Variants in TDRD3 observed in about 807,000 individuals in gnomAD.
The protein encoded by TDRD3 is tudor domain-containing protein 3.
Under a neutral mutation model 86.7 loss-of-function variants are expected in TDRD3, and 45 were observed. The observed-to-expected ratio is 0.52, with a 90% CI of 0.41 to 0.67. TDRD3 has a LOEUF of 0.67. Ranked by LOEUF, TDRD3 falls within the 30% of genes least tolerant of loss-of-function variation. The pLI is 0.00. For synonymous variants in TDRD3, 298 were observed against 301.7 expected (o/e 0.99, Z 0.13); for missense variants, 814 against 889.0 (o/e 0.92, Z 1.07).
chr13:60,409,966 C>T (rs1954319516), intron 1 of TDRD3, among the ~76,000 whole-genome samples: 1 of 151,994 alleles, frequency 6.6e-6, no homozygotes, highest in Non-Finnish European at 1.5e-5. Flanking sequence ...TGGGAGGGAC[C>T]CAGGGGGAGG....
At chr13:60,501,259 A>G (rs1160725085) in intron 8 of TDRD3, among the ~76,000 whole-genome samples, 5 of 152,146 alleles carry the variant, frequency 3.3e-5, no homozygotes, top group Non-Finnish European at 7.4e-5. Context: ...TTCCTGCTTA[A>G]GAGAGGCATT....
intron 4 of TDRD3, among the ~76,000 whole-genome samples, chr13:60,464,805 G>A (rs9538712): frequency 0.47 from 70,956 of 151,840 alleles, 16,950 homozygotes; most frequent in South Asian, 0.54. Flanking sequence ...TGGGGAGTGA[G>A]TGATAAGGAG....
chr13:60,498,673 C>A (rs946195967), intron 8 of TDRD3, among the ~76,000 whole-genome samples: 2 of 152,048 alleles, frequency 1.3e-5, no homozygotes, highest in Admixed American at 1.3e-4. Context: ...GAGGCTGGGT[C>A]CCCTTGAGGA....
intron 12 of TDRD3, among the ~76,000 whole-genome samples, chr13:60,563,935 C>T (rs749796265): frequency 2.0e-5 from 3 of 152,200 alleles, no homozygotes; most frequent in Admixed American, 1.3e-4. Context: ...ACTTGTCAAA[C>T]GCACATTATA....
At chr13:60,513,238 G>T (rs1407944347) in intron 10 of TDRD3, among the ~76,000 whole-genome samples, 1 of 152,166 alleles carries the variant, frequency 6.6e-6, no homozygotes, top group Non-Finnish European at 1.5e-5. Context: ...GGGATGCAGG[G>T]CACCAAGTCC....
rs140870765 is a variant in TDRD3 at position 60,567,535 on chromosome 13, G to A, written c.2129G>A (p.Gly710Asp). 1.2e-3 allele frequency: 1,883 copies of A among 1,614,070 alleles called. 3 individuals carry two copies. The highest frequency in any genetic ancestry group is 1.2e-3 in the Non-Finnish European group (1,408 of 1,180,016). Residue 710 changes from glycine to aspartate, a missense_variant, in exon 13 of 14, where the codon GGC (glycine) becomes GAC (aspartate). Coordinates refer to ENST00000377881, the MANE Select transcript of TDRD3 (RefSeq NM_001146070.2). ...ACTCTTTGCAAATAGGAGGAAGAAG[G>A]CACCTACGATCAAACTCTGGAGTTC... ...PIQTEAWEEE[G>D]TYDQTLEFRR...
chr13:60,496,502 C>G (rs751738006), intron 8 of TDRD3, among the ~76,000 whole-genome samples: 2 of 151,478 alleles, frequency 1.3e-5, no homozygotes, highest in Non-Finnish European at 2.9e-5. Context: ...GCTATGGACT[C>G]TACTTCTAAT....
chr13:60,488,238 G>A (rs905744180), intron 7 of TDRD3, among the ~76,000 whole-genome samples: 2 of 152,182 alleles, frequency 1.3e-5, no homozygotes, highest in Non-Finnish European at 2.9e-5. Context: ...CTAAGGAGGG[G>A]TAAGGAAGCA....
intron 10 of TDRD3, among the ~76,000 whole-genome samples, chr13:60,524,060 T>C (rs1957350712): frequency 6.6e-6 from 1 of 152,086 alleles, no homozygotes; most frequent in Non-Finnish European, 1.5e-5. Flanking sequence ...TTTATTAGAG[T>C]GATGGCAGAC....
intron 13 of TDRD3, 88 bp from the exon 14 acceptor site, chr13:60,573,528 T>A: frequency 1.3e-6 from 1 of 784,600 alleles, no homozygotes. Flanking sequence ...CATTTACAGA[T>A]AAGTTTCAGC....
chr13:60,540,752 T>C (rs1167259578), intron 12 of TDRD3, among the ~76,000 whole-genome samples: 1 of 152,172 alleles, frequency 6.6e-6, no homozygotes, highest in East Asian at 1.9e-4. Context: ...TAATAACATA[T>C]TATAATCTAT....
At chr13:60,473,857 C>T (rs1403665947) in intron 5 of TDRD3, among the ~76,000 whole-genome samples, 1 of 152,146 alleles carries the variant, frequency 6.6e-6, no homozygotes, top group Non-Finnish European at 1.5e-5. Context: ...CCTAGTGGAC[C>T]TTGGCCTAGC....
At chr13:60,438,536 A>G (rs973859495) in intron 1 of TDRD3, among the ~76,000 whole-genome samples, 1 of 152,096 alleles carries the variant, frequency 6.6e-6, no homozygotes, top group African/African-American at 2.4e-5. Context: ...TCTGACTTTT[A>G]TCGCCTTGGT....
chr13:60,510,634 A>T lies in TDRD3; in HGVS notation c.1020A>T (p.Arg340Ser). The T allele has an allele frequency of 6.3e-7, 1 of 1,596,704 alleles. No individual in the cohort carries two copies. Among genetic ancestry groups the T allele is most frequent in the Non-Finnish European group, 8.5e-7 (1 of 1,172,256 alleles). ...TTCTTGCTTTTGCATCTAAAGGTAG[A>T]GGAAAAGGCAGGGGGCGAATAAGAT... ...KPVMGPPLRG[R>S]GKGRGRIRSE... The change falls in exon 10 of 14, where the codon AGA (arginine) becomes AGT (serine). Residue 340 changes from arginine (R) to serine (S), a missense_variant. Physicochemically the swap from Arg to Ser is moderately radical, Grantham distance 110. Coordinates refer to ENST00000377881, the MANE Select transcript of TDRD3 (RefSeq NM_001146070.2).
chr13:60,467,424 T>C, intron 5 of TDRD3, 45 bp downstream of exon 5: 1 of 1,598,034 alleles, frequency 6.3e-7, no homozygotes, highest in Non-Finnish European at 8.5e-7. Context: ...TTACACTCTT[T>C]TTTATTGCAT....
intron 1 of TDRD3, among the ~76,000 whole-genome samples, chr13:60,418,332 G>T (rs1207024658): frequency 2.6e-5 from 4 of 152,002 alleles, no homozygotes; most frequent in African/African-American, 9.7e-5. Flanking sequence ...TCTGTTATAA[G>T]AAGTCTTCCC....
rs1953946783 is a variant in TDRD3, at chr13:60,397,342, C to T, written c.-23C>T. The T allele has an allele frequency of 5.5e-6, 8 of 1,461,616 alleles. No individual in the cohort carries two copies. Among genetic ancestry groups the T allele is most frequent in the Admixed American group, 4.6e-5 (2 of 43,908 alleles). The allele number at this position is 1,461,616 out of a possible 1,614,324, so 90.5% of individuals were successfully genotyped here. A position where few individuals can be genotyped will look rare whatever the true frequency, so the allele number is the denominator to read the frequency against. On this transcript the variant is annotated 5_prime_UTR_variant, in exon 1 of 14. Transcript: ENST00000377881. ...CATCACCCCCACCCCAGCCCCCCAC[C>T]ACCCCCGGCCTAAGCAGCTACCATG...
Position 60,509,847 on chromosome 13 carries a change from A to C in TDRD3, c.943A>C (p.Asn315His). 6.2e-7 allele frequency: 1 copy of C among 1,613,940 alleles called. No homozygotes were observed. Among genetic ancestry groups the C allele is most frequent in the South Asian group, 1.1e-5 (1 of 91,080 alleles). Reference sequence around the variant, plus strand: ...GCAAGCTCTTATGGATAATGGCAACAACTTAGAAGCAGCACTGAACGTACT... The same window carrying C: ...GCAAGCTCTTATGGATAATGGCAACCACTTAGAAGCAGCACTGAACGTACT... ...SRQALMDNGN[N>H]LEAALNVLLT... The change falls in exon 9 of 14, where the codon AAC (asparagine) becomes CAC (histidine). Residue 315 changes from asparagine to histidine, a missense_variant. Coordinates refer to ENST00000377881, the MANE Select transcript of TDRD3 (RefSeq NM_001146070.2).
At chr13:60,573,563 G>A in intron 13 of TDRD3, 53 bp from the exon 14 acceptor site, 4 of 968,942 alleles carry the variant, frequency 4.1e-6, no homozygotes, top group South Asian at 4.8e-5. Flanking sequence ...ACAAAGTATG[G>A]AAAAGTTAAT....
Sources: allele counts gnomAD v4.1 joint callset (sites outside exome capture counted in the v4.1 genomes callset), GRCh38; gene constraint gnomAD v4.1.1; transcripts MANE v1.5; gene names NCBI Gene and HGNC (gene_info 2026-07-23, HGNC 2026-07-21).